The following STK31 variants were observed in gnomAD, a reference collection of about 807,000 sequenced individuals.
The protein encoded by STK31 is serine/threonine-protein kinase 31.
In STK31, 89 loss-of-function variants were observed where a neutral mutation model predicts 129.7. That is an observed-to-expected ratio of 0.69 (90% CI 0.58 to 0.82). STK31 has a LOEUF of 0.82. Ranked by LOEUF, STK31 falls within the 40% of genes least tolerant of loss-of-function variation. The pLI is 0.00. For synonymous variants in STK31, 448 were observed against 395.3 expected, an observed-to-expected ratio of 1.13 and a Z score of -1.58; for missense variants, 1,187 against 1,176.4, an observed-to-expected ratio of 1.01 and a Z score of -0.13.
In STK31 at chr7:23,710,256, C is replaced by T; in HGVS notation, c.-30C>T. Reference sequence around the variant, plus strand: ...CACGCGGTAAGCCGCTGCACGTGTGCTACGGCGGGCGGAGGGCCGAAAGTC... The same window carrying T: ...CACGCGGTAAGCCGCTGCACGTGTGTTACGGCGGGCGGAGGGCCGAAAGTC... On this transcript the variant is annotated 5_prime_UTR_variant, in exon 1 of 24. Transcript: ENST00000355870. The T allele has an allele frequency of 6.2e-7, 1 of 1,603,656 alleles. No individual in the cohort carries two copies. Among genetic ancestry groups the T allele is most frequent in the Non-Finnish European group, 8.5e-7 (1 of 1,176,442 alleles).
At chr7:23,713,007 A>G (rs1327962045) in intron 3 of STK31, among the ~76,000 whole-genome samples, 1 of 152,160 alleles carries the variant, frequency 6.6e-6, no homozygotes, top group Non-Finnish European at 1.5e-5. Context: ...AATATATGAG[A>G]AGAAAGTTCT....
rs773851291 is a variant in STK31 at position 23,735,521 on chromosome 7, G to A, written c.484-17G>A. ...AAACATGTTGGTGTAGCTGGTTTAT[G>A]TTTTCTTCTTTCTTAGGGCACAACC... On this transcript the variant is annotated splice_polypyrimidine_tract_variant and intron_variant, in intron 6 of 23. Transcript: ENST00000355870. 13 of 1,561,014 alleles carry A rather than the reference G, an allele frequency of 8.3e-6. No homozygotes were observed.
intron 21 of STK31, 150 bp downstream of exon 21, chr7:23,788,279 C>A: frequency 1.6e-6 from 1 of 607,894 alleles, no homozygotes; most frequent in Non-Finnish European, 2.4e-6. Flanking sequence ...TATTTGCCCT[C>A]AGCTAGATGC....
At chr7:23,784,337 T>C (rs1791128611) in intron 17 of STK31, among the ~76,000 whole-genome samples, 2 of 152,192 alleles carry the variant, frequency 1.3e-5, no homozygotes, top group African/African-American at 4.8e-5. Context: ...TGTGTAGACA[T>C]GTGAGTTTAT....
At chr7:23,802,365 C>G (rs969729465) in intron 22 of STK31, among the ~76,000 whole-genome samples, 1 of 152,126 alleles carries the variant, frequency 6.6e-6, no homozygotes, top group African/African-American at 2.4e-5. Context: ...CCAGATGGTT[C>G]GTAATTGGGG....
intron 15 of STK31, among the ~76,000 whole-genome samples, chr7:23,775,184 C>T (rs1197051207): frequency 6.6e-6 from 1 of 152,118 alleles, no homozygotes; most frequent in Non-Finnish European, 1.5e-5. Context: ...TTCCATTGGT[C>T]TGTATATCTG....
Position 23,726,889 on chromosome 7 carries a change from C to A in STK31, c.250-352C>A, listed in dbSNP as rs188139672. Among the ~76,000 whole-genome samples the A allele has an allele frequency of 3.8e-3, 577 of 152,008 alleles. 3 individuals carry two copies. The highest frequency in any genetic ancestry group is 4.3e-3 in the Non-Finnish European group (290 of 67,986). Reference sequence around the variant, plus strand: ...ATGTTTATGTTAAAAAAAATTGTACCAATTATCGCCTCAGATATTATAATA... The same window carrying A: ...ATGTTTATGTTAAAAAAAATTGTACAAATTATCGCCTCAGATATTATAATA... On this transcript the variant is annotated intron_variant, in intron 4 of 23. Coordinates refer to ENST00000355870, the MANE Select transcript of STK31 (RefSeq NM_031414.5).
rs758147058 is a variant in STK31, at chr7:23,786,867, A to G, written c.2430A>G (p.Pro810=). 2.5e-6 allele frequency: 4 copies of G among 1,613,902 alleles called. No homozygotes were observed. The highest frequency in any genetic ancestry group is 1.3e-5 in the African/African-American group (1 of 74,906). The part of the protein sequence containing the change: ...KSDPMAYLMV[P]YYPRANLNAV... ...ATCCTATGGCTTATCTGATGGTCCC[A>G]TACTACCCTAGGGCAAACCTGAATG... The change falls in exon 20 of 24, where the codon CCA becomes CCG. Residue 810 remains proline (P), a synonymous_variant. Coordinates refer to ENST00000355870, the MANE Select transcript of STK31 (RefSeq NM_031414.5).
intron 22 of STK31, among the ~76,000 whole-genome samples, chr7:23,813,809 A>G (rs1388191640): frequency 6.6e-6 from 1 of 152,108 alleles, no homozygotes; most frequent in Non-Finnish European, 1.5e-5. Flanking sequence ...CCTATGACCG[A>G]TGCAGAATAC....
At chr7:23,823,951 G>T (rs146400691) in intron 23 of STK31, among the ~76,000 whole-genome samples, 1,983 of 152,202 alleles carry the variant, frequency 0.013, 27 homozygotes, top group African/African-American at 0.033. Flanking sequence ...TGTTCCATTG[G>T]TCTATGTCTC....
chr7:23,787,362 C>A (rs1312682391), intron 20 of STK31, among the ~76,000 whole-genome samples: 2 of 152,114 alleles, frequency 1.3e-5, no homozygotes, highest in African/African-American at 4.8e-5. Flanking sequence ...TCTCTTATAG[C>A]TACTTTACAT....
chr7:23,792,161 A>G (rs1336244164), intron 22 of STK31, among the ~76,000 whole-genome samples: 6 of 152,214 alleles, frequency 3.9e-5, no homozygotes, highest in Non-Finnish European at 7.3e-5. Flanking sequence ...AAAAAGAAAT[A>G]AAAGTCATAG....
intron 8 of STK31, among the ~76,000 whole-genome samples, chr7:23,751,766 T>C (rs1000696592): frequency 1.3e-5 from 2 of 152,246 alleles, no homozygotes; most frequent in Admixed American, 1.3e-4. Context: ...ACATTTAGAA[T>C]TGTTGGATCT....
chr7:23,824,880 G>A (rs1794027546), intron 23 of STK31, among the ~76,000 whole-genome samples: 1 of 151,766 alleles, frequency 6.6e-6, no homozygotes, highest in Non-Finnish European at 1.5e-5. Context: ...CTTTGGTTCT[G>A]TTTATATGCT....
At chr7:23,769,535 T>C in intron 12 of STK31, 105 bp from the exon 13 acceptor site, 2 of 745,736 alleles carry the variant, frequency 2.7e-6, no homozygotes, top group Non-Finnish European at 4.2e-6. Flanking sequence ...CTAGTTCTTT[T>C]ACATTGCCCA....
chr7:23,772,046 A>G, intron 14 of STK31, 101 bp from the exon 15 acceptor site: 1 of 822,894 alleles, frequency 1.2e-6, no homozygotes, highest in Non-Finnish European at 1.8e-6. Context: ...GTCTGAACTC[A>G]GTAAATACTA....
upstream of STK31, chr7:23,710,108 G>C (rs1380760197): frequency 1.6e-5 from 17 of 1,086,266 alleles, no homozygotes; most frequent in East Asian, 1.5e-4. Flanking sequence ...GCCAGCGTCA[G>C]GCGGCTCCCG....
chr7:23,776,680 C>G (rs950121883), intron 15 of STK31, among the ~76,000 whole-genome samples: 20 of 151,950 alleles, frequency 1.3e-4, no homozygotes, highest in African/African-American at 2.9e-4. Context: ...GGTGATATCC[C>G]CTTTATCATT....
chr7:23,807,934 A>C (rs1792817994), intron 22 of STK31, among the ~76,000 whole-genome samples: 1 of 151,336 alleles, frequency 6.6e-6, no homozygotes, highest in African/African-American at 2.4e-5. Context: ...TTTCTATTTT[A>C]AAAATTTAAG....
Sources: gnomAD v4.1 joint callset for allele counts (sites outside exome capture counted in the v4.1 genomes callset) on GRCh38, gnomAD v4.1.1 for gene constraint, MANE v1.5 for transcripts, NCBI Gene and HGNC (gene_info 2026-07-23, HGNC 2026-07-21) for gene names.